Variants in SAMD7 observed in about 807,000 individuals in gnomAD.
SAMD7 encodes the protein sterile alpha motif domain containing 7, also known as sterile alpha motif domain-containing protein 7.
In SAMD7, 34 loss-of-function variants were observed where a neutral mutation model predicts 36.7. The ratio of observed to expected loss-of-function variants is 0.93; its 90% CI spans 0.71 to 1.23. The LOEUF (loss-of-function observed/expected upper bound fraction) is 1.23. SAMD7 is among the 50% of genes most tolerant of loss of function. The pLI is 0.00. For synonymous variants in SAMD7, 188 were observed against 189.7 expected, an observed-to-expected ratio of 0.99 and a Z score of 0.07; for missense variants, 570 against 546.6, an observed-to-expected ratio of 1.04 and a Z score of -0.43.
chr3:169,932,043 T>G, intron 7 of SAMD7: 1 of 635,864 alleles, frequency 1.6e-6, no homozygotes, highest in Non-Finnish European at 2.5e-6. Context: ...TCCTGTCATC[T>G]TTATCTTCAC....
At chr3:169,936,220 T>G (rs1354641886) in intron 7 of SAMD7, 119 bp from the exon 8 acceptor site, 1 of 629,390 alleles carries the variant, frequency 1.6e-6, no homozygotes, top group African/African-American at 1.9e-5. Context: ...TTTTACAAAT[T>G]TTTTTGTCAT....
chr3:169,925,687 C>T (rs1713229978), intron 5 of SAMD7, among the ~76,000 whole-genome samples: 1 of 152,186 alleles, frequency 6.6e-6, no homozygotes, highest in Non-Finnish European at 1.5e-5. Context: ...GATTGCACCA[C>T]TGTGCTCCAG....
rs1337149372 is a variant in SAMD7 at position 169,911,817 on chromosome 3, A to G, written c.-121A>G. 6.6e-6 allele frequency: 1 copy of G among 152,256 alleles called. No homozygotes were observed. The highest frequency in any genetic ancestry group is 1.5e-5 in the Non-Finnish European group (1 of 68,040). 9.4% of individuals were successfully genotyped at this position (152,256 alleles called of 1,614,324 possible). ...TATCAAAGACAAGAAGTCTTCATAG[A>G]GGATGTAAGTATGTAACTCTACACA... On this transcript the variant is annotated 5_prime_UTR_variant, in exon 1 of 9. Coordinates refer to ENST00000335556, the MANE Select transcript of SAMD7 (RefSeq NM_001304366.2).
At chr3:169,933,128 C>T (rs1361504215) in intron 7 of SAMD7, 11 of 811,168 alleles carry the variant, frequency 1.4e-5, no homozygotes, top group Non-Finnish European at 2.0e-5. Flanking sequence ...GTCTGGACGC[C>T]ATGGACCAGT....
rs529453317 is a variant in SAMD7, at chr3:169,925,442, C to T, written c.290+306C>T. 4.6e-5 allele frequency among the ~76,000 whole-genome samples: 7 copies of T among 152,006 alleles called. No individual in the cohort carries two copies. In the South Asian group the frequency reaches 1.2e-3, roughly 27 times the overall value. Reference sequence around the variant, plus strand: ...TAAGGATAAAAGCAAGATTAGAAATCACGGCCGGGCACAGTGGCTCAGGCC... The same window carrying T: ...TAAGGATAAAAGCAAGATTAGAAATTACGGCCGGGCACAGTGGCTCAGGCC... On this transcript the variant is annotated intron_variant, in intron 5 of 8. Transcript: ENST00000335556.
chr3:169,929,716 A>G (rs983875534), intron 7 of SAMD7, among the ~76,000 whole-genome samples: 2 of 152,188 alleles, frequency 1.3e-5, no homozygotes, highest in South Asian at 4.1e-4. Context: ...ATTAGAGTGC[A>G]TGGCACCTTG....
At chr3:169,917,869 C>T (rs1383806314) in intron 2 of SAMD7, among the ~76,000 whole-genome samples, 1 of 152,062 alleles carries the variant, frequency 6.6e-6, no homozygotes, top group Non-Finnish European at 1.5e-5. Context: ...TCTCGATCTC[C>T]TGACCTCATG....
At chr3:169,918,532 C>A (rs754073950) in intron 2 of SAMD7, among the ~76,000 whole-genome samples, 12 of 152,098 alleles carry the variant, frequency 7.9e-5, no homozygotes, top group Non-Finnish European at 1.8e-4. Flanking sequence ...TATTAAAGAA[C>A]AAGAAAATGT....
At chr3:169,921,839 G>A (rs1007810596) in intron 4 of SAMD7, among the ~76,000 whole-genome samples, 3 of 152,182 alleles carry the variant, frequency 2.0e-5, no homozygotes, top group Admixed American at 2.0e-4. Flanking sequence ...ATAAACTGAT[G>A]GGAATTAGCA....
chr3:169,924,847 A>G (rs902831277), intron 4 of SAMD7, among the ~76,000 whole-genome samples: 6 of 152,158 alleles, frequency 3.9e-5, no homozygotes, highest in Non-Finnish European at 5.9e-5. Flanking sequence ...TTAAAGAACA[A>G]AAAATTATCT....
intron 2 of SAMD7, among the ~76,000 whole-genome samples, chr3:169,918,477 C>T (rs1219410287): frequency 6.6e-6 from 1 of 152,096 alleles, no homozygotes; most frequent in Non-Finnish European, 1.5e-5. Context: ...CTAAAATGAC[C>T]TGTTCAACTA....
At chr3:169,922,270 T>C (rs927094387) in intron 4 of SAMD7, among the ~76,000 whole-genome samples, 1 of 152,064 alleles carries the variant, frequency 6.6e-6, no homozygotes, top group Non-Finnish European at 1.5e-5. Context: ...AGATCACCTA[T>C]GGAGAGAGTG....
At chr3:169,912,324 T>C (rs1020911669) in intron 1 of SAMD7, among the ~76,000 whole-genome samples, 2 of 152,176 alleles carry the variant, frequency 1.3e-5, no homozygotes, top group Non-Finnish European at 2.9e-5. Flanking sequence ...GAACAATCAA[T>C]GATAATCATG....
intron 2 of SAMD7, among the ~76,000 whole-genome samples, chr3:169,917,537 A>G (rs1382622497): frequency 6.6e-6 from 1 of 152,088 alleles, no homozygotes; most frequent in African/African-American, 2.4e-5. Context: ...ATCAGGGTAA[A>G]CGGCCTATCC....
chr3:169,935,330 C>T (rs941466344), intron 7 of SAMD7, among the ~76,000 whole-genome samples: 1 of 152,102 alleles, frequency 6.6e-6, no homozygotes, highest in African/African-American at 2.4e-5. Context: ...ATTATCTATC[C>T]TCTCTGGAAG....
At chr3:169,917,887 C>T (rs562722979) in intron 2 of SAMD7, among the ~76,000 whole-genome samples, 37 of 151,672 alleles carry the variant, frequency 2.4e-4, no homozygotes, top group South Asian at 1.3e-3. Context: ...ATGATCCGCC[C>T]GCCTCGGCCT....
rs554155749 is a variant in SAMD7, at chr3:169,935,831, G to C, written c.1042-508G>C. ...TCAGGACTAACAGACCTGCTGGAAA[G>C]GTCCGGTAGGGAAAGTTCTCAGCAG... On this transcript the variant is annotated intron_variant, in intron 7 of 8. Coordinates refer to ENST00000335556, the MANE Select transcript of SAMD7 (RefSeq NM_001304366.2). 2.3e-4 allele frequency among the ~76,000 whole-genome samples: 35 copies of C among 152,298 alleles called. No homozygotes were observed. The South Asian group carries it at 7.3e-3, about 32-fold the overall frequency.
intron 4 of SAMD7, among the ~76,000 whole-genome samples, chr3:169,922,586 G>A (rs1413102426): frequency 6.6e-6 from 1 of 152,132 alleles, no homozygotes; most frequent in South Asian, 2.1e-4. Flanking sequence ...TGCAACCTTT[G>A]CCTCCCTGGT....
chr3:169,912,412 A>G lies in SAMD7; in HGVS notation c.-117+591A>G, dbSNP rs79347307. 7.8e-3 allele frequency among the ~76,000 whole-genome samples: 1,194 copies of G among 152,358 alleles called. 14 individuals carry two copies. The highest frequency in any genetic ancestry group is 0.027 in the African/African-American group (1,121 of 41,572). On this transcript the variant is annotated intron_variant, in intron 1 of 8. Transcript: ENST00000335556. ...AAAACACCTACTATTCAGTTCCATT[A>G]TATGAGTACTGCTAGAATTTCACTT...
Sources: gnomAD v4.1 joint callset for allele counts (sites outside exome capture counted in the v4.1 genomes callset) on GRCh38, gnomAD v4.1.1 for gene constraint, MANE v1.5 for transcripts, NCBI Gene and HGNC (gene_info 2026-07-23, HGNC 2026-07-21) for gene names.